BMERB1: variants seen among roughly 807,000 people sequenced by gnomAD.
BMERB1 encodes bMERB domain-containing protein 1.
BMERB1 carries 12 observed loss-of-function variants against 23.6 expected under a neutral mutation model. That is an observed-to-expected ratio of 0.51 (90% CI 0.33 to 0.82). The LOEUF is 0.82. Ranked by LOEUF, BMERB1 falls within the 40% of genes least tolerant of loss-of-function variation. The pLI, the probability that BMERB1 is intolerant of heterozygous loss-of-function variation, is 0.03. For synonymous variants in BMERB1, 122 were observed against 96.6 expected, an observed-to-expected ratio of 1.26 and a Z score of -1.54; for missense variants, 247 against 255.4, an observed-to-expected ratio of 0.97 and a Z score of 0.22.
In BMERB1 at chr16:15,581,320, C is replaced by T. The variant is rs550156788; in HGVS notation, c.408C>T (p.Val136=). 7.4e-6 allele frequency: 12 copies of T among 1,613,810 alleles called. No individual in the cohort carries two copies. The highest frequency in any genetic ancestry group is 2.7e-5 in the African/African-American group (2 of 75,032). Residue 136 remains valine (V), a synonymous_variant, in exon 4 of 6, where the codon GTC becomes GTT. Transcript: ENST00000300006. The part of the protein sequence containing the change: ...KRDFLVDDAE[V]ERLREQEEDK... The stretch of plus-strand genomic sequence containing the variant: ...ACTTCCTGGTGGACGATGCGGAGGT[C>T]GAGCGGTTAAGGTGAGTGCACTGCG...
At chr16:15,481,293 G>A (rs1227312207) in intron 1 of BMERB1, among the ~76,000 whole-genome samples, 5 of 152,090 alleles carry the variant, frequency 3.3e-5, no homozygotes, top group East Asian at 1.9e-4. Context: ...TTGGGAGGCC[G>A]AGGCGGGTGG....
intron 1 of BMERB1, among the ~76,000 whole-genome samples, chr16:15,443,060 C>A (rs1445358037): frequency 6.6e-6 from 1 of 151,890 alleles, no homozygotes; most frequent in Non-Finnish European, 1.5e-5. Flanking sequence ...CCAGCCTGAG[C>A]AACATGGTGA....
At chr16:15,546,503 A>G (rs887028249) in intron 2 of BMERB1, among the ~76,000 whole-genome samples, 3 of 152,192 alleles carry the variant, frequency 2.0e-5, no homozygotes, top group Non-Finnish European at 4.4e-5. Flanking sequence ...ATGCAAATAA[A>G]CTGGGAAAGG....
At chr16:15,524,031 AT>A (rs1420732236) in intron 2 of BMERB1, among the ~76,000 whole-genome samples, 1 of 151,948 alleles carries the variant, frequency 6.6e-6, no homozygotes, top group Non-Finnish European at 1.5e-5. Context: ...ATAAACCTGC[AT>A]TTTTTCCCCT....
intron 3 of BMERB1, among the ~76,000 whole-genome samples, chr16:15,571,386 C>A (rs1003763106): frequency 2.7e-5 from 4 of 148,946 alleles, no homozygotes; most frequent in Admixed American, 2.0e-4. Context: ...GAGACGGAGT[C>A]TCGCTCTGTC....
chr16:15,505,929 G>A (rs955275744), intron 1 of BMERB1, among the ~76,000 whole-genome samples: 2 of 151,722 alleles, frequency 1.3e-5, no homozygotes, highest in Non-Finnish European at 2.9e-5. Flanking sequence ...CATACTGAGT[G>A]GTATATGACA....
intron 1 of BMERB1, among the ~76,000 whole-genome samples, chr16:15,462,412 A>G (rs1400966488): frequency 6.6e-6 from 1 of 151,920 alleles, no homozygotes; most frequent in East Asian, 1.9e-4. Context: ...TTGGCCTCCC[A>G]AAGTGCTGGG....
At chr16:15,586,657 C>T in intron 5 of BMERB1, 60 bp from the exon 6 acceptor site, 1 of 1,400,520 alleles carries the variant, frequency 7.1e-7, no homozygotes, top group Middle Eastern at 1.7e-4. Context: ...GCTCTGCTCA[C>T]CTCACCTCTC....
chr16:15,484,813 A>C (rs2051354289), intron 1 of BMERB1, among the ~76,000 whole-genome samples: 1 of 151,970 alleles, frequency 6.6e-6, no homozygotes, highest in Admixed American at 6.6e-5. Flanking sequence ...TGCAACCATC[A>C]CCTCTAGATG....
chr16:15,587,567 A>C lies in BMERB1; in HGVS notation c.*738A>C. ...CAGTGTGCAGAAGAGCCAGCAGGGA[A>C]CCGGAAGCTCTGATGTCAAGGCCAG... On this transcript the variant is annotated 3_prime_UTR_variant, in exon 6 of 6. Coordinates refer to ENST00000300006, the MANE Select transcript of BMERB1 (RefSeq NM_033201.3). 1 of 452,652 alleles carries C rather than the reference A, an allele frequency of 2.2e-6. No homozygotes were observed. Among genetic ancestry groups the C allele is most frequent in the Non-Finnish European group, 4.5e-6 (1 of 224,420 alleles). 28.0% of individuals were successfully genotyped at this position (452,652 alleles called of 1,614,324 possible).
At chr16:15,577,766 A>G (rs2030906817) in intron 3 of BMERB1, among the ~76,000 whole-genome samples, 1 of 152,208 alleles carries the variant, frequency 6.6e-6, no homozygotes, top group African/African-American at 2.4e-5. Flanking sequence ...CTGCAAACAC[A>G]GTGTATTTAC....
chr16:15,485,698 T>C (rs968276542), intron 1 of BMERB1, among the ~76,000 whole-genome samples: 1 of 151,452 alleles, frequency 6.6e-6, no homozygotes, highest in Non-Finnish European at 1.5e-5. Flanking sequence ...ATTTGTGGGT[T>C]TTTTCCCCCC....
At chr16:15,527,757 A>G (rs554008381) in intron 2 of BMERB1, among the ~76,000 whole-genome samples, 7 of 152,262 alleles carry the variant, frequency 4.6e-5, no homozygotes, top group African/African-American at 1.7e-4. Context: ...CTGTAACTCA[A>G]TCTGTCCAAG....
chr16:15,523,016 A>C (rs2051871819), intron 2 of BMERB1, among the ~76,000 whole-genome samples: 1 of 152,094 alleles, frequency 6.6e-6, no homozygotes, highest in African/African-American at 2.4e-5. Context: ...GGACTTGGAG[A>C]ATGAGAGCAA....
rs966378835 is a variant in BMERB1, at chr16:15,502,264, A to G, written c.107-13041A>G. On this transcript the variant is annotated intron_variant, in intron 1 of 5. Transcript: ENST00000300006. The stretch of plus-strand genomic sequence containing the variant: ...AAATGTGCTTGAGGTGCCACTGGAG[A>G]ATAACAATCATAGCCAGGATGTGAA... 5.8e-6 allele frequency: 9 copies of G among 1,549,166 alleles called. No homozygotes were observed. The African/African-American group carries it at 1.2e-4, about 21-fold the overall frequency.
chr16:15,555,531 T>G (rs972382387), intron 2 of BMERB1, among the ~76,000 whole-genome samples: 5 of 152,144 alleles, frequency 3.3e-5, no homozygotes, highest in African/African-American at 1.2e-4. Context: ...ACAAGGGTCT[T>G]GAAGAAGGTG....
At chr16:15,581,597 G>A (rs893959299) in intron 4 of BMERB1, among the ~76,000 whole-genome samples, 2 of 152,168 alleles carry the variant, frequency 1.3e-5, no homozygotes, top group African/African-American at 4.8e-5. Context: ...CATAATACAT[G>A]GCAGAGCTTC....
chr16:15,583,890 C>G, intron 5 of BMERB1: 1 of 636,260 alleles, frequency 1.6e-6, no homozygotes, highest in East Asian at 2.7e-5. Flanking sequence ...TTGGATTGAA[C>G]TCTGCAAACT....
chr16:15,494,334 A>G (rs2051452548), intron 1 of BMERB1, among the ~76,000 whole-genome samples: 1 of 152,148 alleles, frequency 6.6e-6, no homozygotes, highest in African/African-American at 2.4e-5. Flanking sequence ...CTTAGAAAGC[A>G]ATCGGAGCCC....
Sources: allele counts gnomAD v4.1 joint callset (sites outside exome capture counted in the v4.1 genomes callset), GRCh38; gene constraint gnomAD v4.1.1; transcripts MANE v1.5; gene names NCBI Gene and HGNC (gene_info 2026-07-23, HGNC 2026-07-21).